DNAI4: variants seen among roughly 807,000 people sequenced by gnomAD.
The protein encoded by DNAI4 is dynein axonemal intermediate chain 4.
A neutral mutation model predicts 105.8 loss-of-function variants in DNAI4; 85 were observed. The observed-to-expected ratio is 0.80, with a 90% CI of 0.67 to 0.96. The LOEUF is 0.96. Among genes scored for constraint, DNAI4 ranks in the 40% least tolerant of loss-of-function variants. The pLI, the probability that DNAI4 is intolerant of heterozygous loss-of-function variation, is 0.00. For synonymous variants in DNAI4, 352 were observed against 331.5 expected, an observed-to-expected ratio of 1.06 and a Z score of -0.67; for missense variants, 1,014 against 1,005.6, an observed-to-expected ratio of 1.01 and a Z score of -0.11.
At position 66,852,670 on chromosome 1, in the gene DNAI4, T is replaced by TA. The variant is rs148288686; in HGVS notation, c.1097-4993dup. On this transcript the variant is annotated intron_variant, in intron 7 of 16. Coordinates refer to ENST00000371026, the MANE Select transcript of DNAI4 (RefSeq NM_024763.5). ...ATCACTTGACAAATCAACCATTTAT[T>TA]AAAAAAAAAATCTCTCAGAAAAATA... is the stretch of plus-strand genomic sequence containing the variant. Among the ~76,000 whole-genome samples, 142 of 150,138 alleles carry TA rather than the reference T, an allele frequency of 9.5e-4. 2 individuals are homozygous for TA. The South Asian group carries it at 0.021, about 22-fold the overall frequency.
intron 7 of DNAI4, among the ~76,000 whole-genome samples, chr1:66,859,333 T>A (rs920275859): frequency 7.1e-6 from 1 of 141,166 alleles, no homozygotes; most frequent in East Asian, 2.2e-4. Flanking sequence ...GAAACAGGAA[T>A]GCTCACTCAT....
chr1:66,843,598 A>G (rs1646201644), intron 8 of DNAI4, among the ~76,000 whole-genome samples: 1 of 152,208 alleles, frequency 6.6e-6, no homozygotes, highest in South Asian at 2.1e-4. Flanking sequence ...GTATTTTAAA[A>G]GTCATTGTAA....
Position 66,891,230 on chromosome 1 carries a change from A to C in DNAI4, c.567T>G (p.Ser189Arg), listed in dbSNP as rs768865472. Reference protein sequence around the residue: ...VLGSSTVSKSSVSASESIAED... With the variant: ...VLGSSTVSKSRVSASESIAED... Reference sequence around the variant, plus strand: ...CTGCTATTGATTCACTTGCTGATACACTTGACTTAGAAACTGTACTGCTTC... The same window carrying C: ...CTGCTATTGATTCACTTGCTGATACCCTTGACTTAGAAACTGTACTGCTTC... Residue 189 changes from serine to arginine, a missense_variant, in exon 4 of 17, where the codon AGT (serine) becomes AGG (arginine). Ser to Arg is a moderately radical substitution (Grantham distance 110). Coordinates refer to ENST00000371026, the MANE Select transcript of DNAI4 (RefSeq NM_024763.5). 1 of 1,613,868 alleles carries C rather than the reference A, an allele frequency of 6.2e-7. No homozygotes were observed. The highest frequency in any genetic ancestry group is 8.5e-7 in the Non-Finnish European group (1 of 1,179,944).
chr1:66,897,750 G>A (rs1648451826), intron 2 of DNAI4, among the ~76,000 whole-genome samples: 1 of 152,182 alleles, frequency 6.6e-6, no homozygotes, highest in Non-Finnish European at 1.5e-5. Flanking sequence ...GCATCCACAT[G>A]GCATTAATTC....
Position 66,871,392 on chromosome 1 carries a change from A to G in DNAI4, c.918T>C (p.Asp306=). ...GAPKNKDVQC[D]KIIMEDKGIM... ...TACCTTTATCTTCCATTATGATTTT[A>G]TCACATTGAACATCTTTATTCTTTG... Residue 306 remains aspartate, a synonymous_variant, in exon 6 of 17, where the codon GAT becomes GAC. Transcript: ENST00000371026. 6.2e-7 allele frequency: 1 copy of G among 1,609,570 alleles called. No homozygotes were observed. Among genetic ancestry groups the G allele is most frequent in the Non-Finnish European group, 8.5e-7 (1 of 1,177,648 alleles).
chr1:66,924,094 C>T (rs890958970), intron 1 of DNAI4, among the ~76,000 whole-genome samples: 20 of 152,304 alleles, frequency 1.3e-4, no homozygotes, highest in Admixed American at 8.5e-4. Flanking sequence ...AGACTGCAGG[C>T]CTTAACAAAC....
intron 1 of DNAI4, among the ~76,000 whole-genome samples, chr1:66,914,159 T>A (rs1649891302): frequency 2.0e-5 from 3 of 150,856 alleles, no homozygotes; most frequent in Admixed American, 2.0e-4. Context: ...AATCTAAGAG[T>A]GAGGTGAAAA....
chr1:66,828,534 AG>A (rs1428739130), intron 13 of DNAI4: 2 of 152,168 alleles, frequency 1.3e-5, no homozygotes, highest in African/African-American at 4.8e-5. Context: ...AATATCAATA[AG>A]GTGGAGCACT....
Position 66,834,153 on chromosome 1 carries a change from A to C in DNAI4, c.1734-5T>G. Reference sequence around the variant, plus strand: ...AAATGTTTTTGAGGTGATTCACTAAAACAGTAAAAAAAATACTAAACATAT... The same window carrying C: ...AAATGTTTTTGAGGTGATTCACTAACACAGTAAAAAAAATACTAAACATAT... On this transcript the variant is annotated splice_polypyrimidine_tract_variant and splice_region_variant and intron_variant, in intron 11 of 16. Transcript: ENST00000371026. The C allele has an allele frequency of 6.3e-7, 1 of 1,590,846 alleles. No homozygotes were observed. Among genetic ancestry groups the C allele is most frequent in the South Asian group, 1.2e-5 (1 of 85,534 alleles).
chr1:66,847,680 T>C lies in DNAI4; in HGVS notation c.1097-2A>G. 6.3e-7 allele frequency: 1 copy of C among 1,580,724 alleles called. No homozygotes were observed. The highest frequency in any genetic ancestry group is 8.6e-7 in the Non-Finnish European group (1 of 1,158,176). ...CCATTAGAGAACTAGTTTCACTATC[T>C]ACAAAATACAAACATGATACAATGA... On this transcript the variant is annotated splice_acceptor_variant, in intron 7 of 16. Coordinates refer to ENST00000371026, the MANE Select transcript of DNAI4 (RefSeq NM_024763.5). LOFTEE classifies it high-confidence loss of function.
intron 4 of DNAI4, among the ~76,000 whole-genome samples, chr1:66,885,814 GAATAT>G (rs1647187236): frequency 6.6e-6 from 1 of 152,098 alleles, no homozygotes; most frequent in African/African-American, 2.4e-5. Context: ...TCTGTAATTT[GAATAT>G]AATATTCCTA....
At chr1:66,845,765 T>TA (rs1156539254) in intron 8 of DNAI4, among the ~76,000 whole-genome samples, 2 of 151,572 alleles carry the variant, frequency 1.3e-5, no homozygotes, top group African/African-American at 4.8e-5. Context: ...AAAGAATACT[T>TA]ACTTTATGAA....
chr1:66,865,526 T>C (rs1331435212), intron 6 of DNAI4, among the ~76,000 whole-genome samples: 1 of 152,144 alleles, frequency 6.6e-6, no homozygotes, highest in East Asian at 1.9e-4. Flanking sequence ...ATCAGAGAAA[T>C]GGAGGTCAAA....
chr1:66,865,275 T>C (rs1046602540), intron 6 of DNAI4, among the ~76,000 whole-genome samples: 1 of 151,800 alleles, frequency 6.6e-6, no homozygotes, highest in African/African-American at 2.4e-5. Flanking sequence ...AATGCAAAAA[T>C]TAGCCCAGCA....
chr1:66,837,494 C>T (rs1366965532), intron 10 of DNAI4: 7 of 558,276 alleles, frequency 1.3e-5, no homozygotes, highest in Non-Finnish European at 2.2e-5. Flanking sequence ...ATATAGTACA[C>T]ATTCAATAAA....
At chr1:66,863,619 T>C (rs575298416) in intron 6 of DNAI4, among the ~76,000 whole-genome samples, 54 of 152,064 alleles carry the variant, frequency 3.6e-4, no homozygotes, top group African/African-American at 8.9e-4. Flanking sequence ...ACACCACGCC[T>C]GGCTAATTTT....
rs150538840 is a variant in DNAI4 at position 66,833,279 on chromosome 1, T to G, written c.2013+306A>C. On this transcript the variant is annotated intron_variant, in intron 13 of 16. Coordinates refer to ENST00000371026, the MANE Select transcript of DNAI4 (RefSeq NM_024763.5). ...TAATTCACACATGTCAAGTATATAATCCAATAGTTTCTAGTTTGTTCATAG... is the reference window on the plus strand; with the variant it reads ...TAATTCACACATGTCAAGTATATAAGCCAATAGTTTCTAGTTTGTTCATAG... Among the ~76,000 whole-genome samples the G allele has an allele frequency of 9.2e-5, 14 of 152,264 alleles. No homozygotes were observed. The East Asian group carries it at 2.3e-3, about 25-fold the overall frequency.
intron 14 of DNAI4, 52 bp downstream of exon 14, chr1:66,827,760 G>GT (rs1557899690): frequency 8.9e-7 from 1 of 1,120,106 alleles, no homozygotes; most frequent in Non-Finnish European, 1.3e-6. Context: ...TAATGGTACT[G>GT]TTTTTTCAGA....
intron 15 of DNAI4, among the ~76,000 whole-genome samples, chr1:66,824,855 C>G (rs954522950): frequency 8.5e-5 from 13 of 152,174 alleles, no homozygotes; most frequent in Admixed American, 7.9e-4. Context: ...GGGTAGGCTT[C>G]ATACAATTAG....
Sources: gnomAD v4.1 joint callset for allele counts (sites outside exome capture counted in the v4.1 genomes callset) on GRCh38, gnomAD v4.1.1 for gene constraint, MANE v1.5 for transcripts, NCBI Gene and HGNC (gene_info 2026-07-23, HGNC 2026-07-21) for gene names.